The following POLR2F variants were observed in gnomAD, a reference collection of about 807,000 sequenced individuals.
POLR2F encodes the protein RNA polymerase II, I and III subunit F.
In POLR2F, 12 loss-of-function variants were observed where a neutral mutation model predicts 22.7. The observed-to-expected ratio is 0.53, with a 90% CI of 0.34 to 0.86. The LOEUF is 0.86. Among genes scored for constraint, POLR2F ranks in the 40% least tolerant of loss-of-function variants. The pLI, the probability that POLR2F is intolerant of heterozygous loss-of-function variation, is 0.02. For synonymous variants in POLR2F, 57 were observed against 66.0 expected (o/e 0.86, Z 0.66); for missense variants, 126 against 171.5 (o/e 0.73, Z 1.48).
upstream of POLR2F, among the ~76,000 whole-genome samples, chr22:37,981,800 G>A (rs1932405699): frequency 6.6e-6 from 1 of 152,194 alleles, no homozygotes; most frequent in African/African-American, 2.4e-5. Context: ...TCTGCTCTTG[G>A]GCAGAACTGG....
chr22:38,020,031 CA>C (rs2084946623), intron 1 of POLR2F, among the ~76,000 whole-genome samples: 1 of 151,420 alleles, frequency 6.6e-6, no homozygotes, highest in Non-Finnish European at 1.5e-5. Context: ...AAAGAAAAAA[CA>C]AAACAAAAAT....
intron 1 of POLR2F, among the ~76,000 whole-genome samples, chr22:37,956,085 T>C (rs1412388923): frequency 2.0e-5 from 3 of 150,914 alleles, no homozygotes; most frequent in African/African-American, 7.4e-5. Flanking sequence ...TTTTTTGTTT[T>C]GCGGTGGCGG....
intron 1 of POLR2F, among the ~76,000 whole-genome samples, chr22:38,003,605 G>T (rs1273755250): frequency 6.7e-6 from 1 of 150,352 alleles, no homozygotes; most frequent in African/African-American, 2.4e-5. Context: ...TTGAGACGGA[G>T]TCTCACTCTT....
At chr22:37,986,190 G>T, upstream of POLR2F, 1 of 1,542,784 alleles carries the variant, frequency 6.5e-7, no homozygotes, top group South Asian at 1.2e-5. This position sits in a 1 kb window ranked among gnomAD's most constrained non-coding sequence, Gnocchi z 4.7. Context: ...GAGAGGAGCC[G>T]CCCTGGATGG....
intron 1 of POLR2F, among the ~76,000 whole-genome samples, chr22:38,006,559 C>T (rs2084823192): frequency 6.6e-6 from 1 of 152,246 alleles, no homozygotes; most frequent in African/African-American, 2.4e-5. Context: ...CTGATACCTG[C>T]TCGCACTAGT....
intron 1 of POLR2F, among the ~76,000 whole-genome samples, chr22:37,999,073 C>T (rs533942772): frequency 2.6e-5 from 4 of 152,084 alleles, no homozygotes; most frequent in Non-Finnish European, 5.9e-5. Flanking sequence ...CATTCCCAGA[C>T]GGCCGTACCC....
rs112065803 is a variant in POLR2F at position 38,033,342 on chromosome 22, C to T, written c.453-7726C>T. Among the ~76,000 whole-genome samples the T allele has an allele frequency of 3.6e-3, 550 of 152,220 alleles. 2 individuals are homozygous for T. The highest frequency in any genetic ancestry group is 0.012 in the African/African-American group (500 of 41,516). On this transcript the variant is annotated intron_variant, in intron 5 of 5. Transcript: ENST00000407936. ...ACTCTTGAGACCTACAGAGAGAAAG[C>T]GCTTGTCCAGGGCGGCCTGCTAGGC... is the stretch of plus-strand genomic sequence containing the variant.
chr22:37,978,184 T>C lies in POLR2F; in HGVS notation c.293+11014T>C. ...AGGACAGCAGAGGGGCTGGCGTGAA[T>C]GCCAGAGCACTCCAGGTTGGCCTCC... On this transcript the variant is annotated intron_variant, in intron 4 of 4. Transcript: ENST00000405557. The surrounding 1 kb of genome is among the most constrained non-coding windows in gnomAD (Gnocchi z 5.0). 6.8e-7 allele frequency: 1 copy of C among 1,473,804 alleles called. No homozygotes were observed. The highest frequency in any genetic ancestry group is 9.0e-7 in the Non-Finnish European group (1 of 1,112,364). The allele number at this position is 1,473,804 out of a possible 1,614,324, so 91.3% of individuals were successfully genotyped here. A position where few individuals can be genotyped will look rare whatever the true frequency, so the allele number is the denominator to read the frequency against.
upstream of POLR2F, among the ~76,000 whole-genome samples, chr22:37,982,484 G>A (rs573534481): frequency 1.3e-5 from 2 of 152,300 alleles, no homozygotes; most frequent in East Asian, 3.9e-4. Flanking sequence ...ATTGCTCCCT[G>A]CGGGGGATGT....
intron 1 of POLR2F, among the ~76,000 whole-genome samples, chr22:38,010,365 G>C (rs183128740): frequency 1.5e-4 from 23 of 150,814 alleles, no homozygotes; most frequent in African/African-American, 5.4e-4. Context: ...ACTGAGCAAG[G>C]CCTTGTCAAA....
chr22:37,995,331 C>T (rs1601896161), intron 1 of POLR2F, among the ~76,000 whole-genome samples: 1 of 152,174 alleles, frequency 6.6e-6, no homozygotes, highest in African/African-American at 2.4e-5. Context: ...AGAGAGATAG[C>T]TTGGCAGGTC....
At chr22:38,013,213 T>C (rs1416115077) in intron 1 of POLR2F, among the ~76,000 whole-genome samples, 1 of 152,194 alleles carries the variant, frequency 6.6e-6, no homozygotes, top group Non-Finnish European at 1.5e-5. Context: ...TGGCATGATC[T>C]TGGTTCACTG....
rs917048053 is a variant in POLR2F, at chr22:37,978,238, G to C, written c.293+11068G>C. The C allele has an allele frequency of 7.6e-7, 1 of 1,310,164 alleles. No individual in the cohort carries two copies. Among genetic ancestry groups the C allele is most frequent in the African/African-American group, 1.5e-5 (1 of 67,276 alleles). 81.2% of individuals were successfully genotyped at this position (1,310,164 alleles called of 1,614,324 possible). A position where few individuals can be genotyped will look rare whatever the true frequency, so the allele number is the denominator to read the frequency against. ...TGAGTGTCCATCTTGGAAGATGTGA[G>C]GCCCTGGGATGGGGCACCCAGAGGA... On this transcript the variant is annotated intron_variant, in intron 4 of 4. Transcript: ENST00000405557. This position sits in a 1 kb window ranked among gnomAD's most constrained non-coding sequence, Gnocchi z 5.0.
At position 37,974,357 on chromosome 22, in the gene POLR2F, GT is replaced by G. The variant is rs929834035; in HGVS notation, c.293+7199del. On this transcript the variant is annotated intron_variant, in intron 4 of 4. Coordinates refer to the POLR2F transcript ENST00000405557. The surrounding 1 kb of genome is among the most constrained non-coding windows in gnomAD (Gnocchi z 5.4). ...GGCAGCATGAGTCGGGTTTTTTTTT[GT>G]TTTTTTTTTTTGAGATGGAGTTTCG... 1.2e-3 allele frequency among the ~76,000 whole-genome samples: 175 copies of G among 141,760 alleles called. 1 individual carries two copies. The highest frequency in any genetic ancestry group is 3.9e-3 in the African/African-American group (151 of 38,438). 93.0% of individuals were successfully genotyped at this position (141,760 alleles called of 152,430 possible). A position where few individuals can be genotyped will look rare whatever the true frequency, so the allele number is the denominator to read the frequency against.
chr22:37,961,805 A>G (rs1304321239), intron 3 of POLR2F, among the ~76,000 whole-genome samples: 2 of 107,616 alleles, frequency 1.9e-5, no homozygotes, highest in Non-Finnish European at 3.9e-5. Context: ...GGGGTACTCT[A>G]ATGGTACTGT....
Position 37,994,653 on chromosome 22 carries a change from G to A in POLR2F, c.120+8341G>A, listed in dbSNP as rs564331862. Among the ~76,000 whole-genome samples the A allele has an allele frequency of 2.0e-5, 3 of 152,280 alleles. No homozygotes were observed. The South Asian group carries it at 6.2e-4, about 32-fold the overall frequency. ...CCTGTCTCAGCCTCCTGAGTAGCTG[G>A]CACTACAGGTGCCCGCCACCATGCC... On this transcript the variant is annotated intron_variant, in intron 1 of 2. Coordinates refer to the POLR2F transcript ENST00000333418.
chr22:37,957,100 C>T (rs1931433967), intron 2 of POLR2F, among the ~76,000 whole-genome samples: 1 of 152,162 alleles, frequency 6.6e-6, no homozygotes, highest in South Asian at 2.1e-4. Flanking sequence ...ACGGTGCCTT[C>T]CTTCATTTGG....
chr22:37,964,613 C>G (rs961268988), intron 3 of POLR2F, among the ~76,000 whole-genome samples: 4 of 147,608 alleles, frequency 2.7e-5, no homozygotes, highest in African/African-American at 7.5e-5. Context: ...CTCTTGTTGC[C>G]CAGGCTGGAG....
At chr22:38,013,442 G>A (rs949598748) in intron 1 of POLR2F, among the ~76,000 whole-genome samples, 2 of 152,142 alleles carry the variant, frequency 1.3e-5, no homozygotes, top group African/African-American at 4.8e-5. Flanking sequence ...CACTACGCCC[G>A]GTCAGTTGTG....
Sources: gnomAD v4.1 joint callset for allele counts (sites outside exome capture counted in the v4.1 genomes callset) on GRCh38, gnomAD v4.1.1 for gene constraint, Gnocchi (gnomAD v3.1) non-coding constraint, MANE v1.5 for transcripts, NCBI Gene and HGNC (gene_info 2026-07-23, HGNC 2026-07-21) for gene names.